L3MBTL4: variants seen among roughly 807,000 people sequenced by gnomAD.
L3MBTL4 encodes lethal(3)malignant brain tumor-like protein 4.
A neutral mutation model predicts 84.5 loss-of-function variants in L3MBTL4; 70 were observed. The ratio of observed to expected loss-of-function variants is 0.83; its 90% CI spans 0.68 to 1.01. The LOEUF (loss-of-function observed/expected upper bound fraction) is 1.01. Among genes scored for constraint, L3MBTL4 ranks in the 50% least tolerant of loss-of-function variants. The pLI, the probability that L3MBTL4 is intolerant of heterozygous loss-of-function variation, is 0.00. For missense variants in L3MBTL4, 715 were observed against 754.8 expected (o/e 0.95, Z 0.62); for synonymous variants, 274 against 259.8 (o/e 1.05, Z -0.52).
intron 16 of L3MBTL4, among the ~76,000 whole-genome samples, chr18:5,980,129 G>A (rs761852832): frequency 2.2e-4 from 26 of 119,524 alleles, no homozygotes; most frequent in Non-Finnish European, 3.9e-4. Context: ...AGTGGCTGAC[G>A]TGCTGACAGA....
chr18:6,410,220 C>T (rs1296999030), intron 1 of L3MBTL4, among the ~76,000 whole-genome samples: 1 of 152,242 alleles, frequency 6.6e-6, no homozygotes, highest in Non-Finnish European at 1.5e-5. Flanking sequence ...GCCTTAGGGG[C>T]TTCTCTCTGC....
intron 15 of L3MBTL4, among the ~76,000 whole-genome samples, chr18:6,082,687 C>T (rs2058119485): frequency 6.6e-6 from 1 of 152,104 alleles, no homozygotes; most frequent in Non-Finnish European, 1.5e-5. Flanking sequence ...AGCCAGTCTG[C>T]CACATATAAA....
intron 17 of L3MBTL4, among the ~76,000 whole-genome samples, chr18:5,961,157 C>T (rs936038245): frequency 3.9e-5 from 6 of 152,242 alleles, no homozygotes; most frequent in African/African-American, 1.4e-4. Flanking sequence ...TGTGTGCTGG[C>T]CCTTCTCCTC....
intron 16 of L3MBTL4, among the ~76,000 whole-genome samples, chr18:6,037,422 G>A (rs1258296247): frequency 6.6e-6 from 1 of 152,150 alleles, no homozygotes; most frequent in African/African-American, 2.4e-5. Context: ...GACAGATTCT[G>A]CCAGTGCAGT....
intron 1 of L3MBTL4, among the ~76,000 whole-genome samples, chr18:6,319,291 A>AAAC (rs146106283): frequency 2.0e-5 from 3 of 152,106 alleles, no homozygotes; most frequent in African/African-American, 4.8e-5. Flanking sequence ...AGTGAAATAG[A>AAAC]AACAACAACA....
At chr18:6,318,692 A>G (rs1380683415) in intron 1 of L3MBTL4, among the ~76,000 whole-genome samples, 1 of 151,998 alleles carries the variant, frequency 6.6e-6, no homozygotes, top group East Asian at 1.9e-4. Context: ...GGGGGACTTC[A>G]ACACCGCACT....
At chr18:6,067,844 C>A (rs8085316) in intron 16 of L3MBTL4, among the ~76,000 whole-genome samples, 12 of 151,934 alleles carry the variant, frequency 7.9e-5, no homozygotes, top group Non-Finnish European at 1.8e-4. Flanking sequence ...TGATTTCTTG[C>A]GGATGCTGTA....
rs926222294 is a variant in L3MBTL4, at chr18:6,188,162, A to G, written c.982-16220T>C. ...GGTCTGGAATCTGAAATGAGAAACT[A>G]TTGGCCTTCACAAAGATCACACACC... On this transcript the variant is annotated intron_variant, in intron 12 of 18. Coordinates refer to ENST00000317931, the MANE Select transcript of L3MBTL4 (RefSeq NM_001330559.2). Among the ~76,000 whole-genome samples, 4 of 152,070 alleles carry G rather than the reference A, an allele frequency of 2.6e-5. No homozygotes were observed. The East Asian group carries it at 7.7e-4, about 29-fold the overall frequency.
intron 16 of L3MBTL4, among the ~76,000 whole-genome samples, chr18:6,059,577 T>G (rs1267138296): frequency 6.6e-6 from 1 of 151,976 alleles, no homozygotes; most frequent in Non-Finnish European, 1.5e-5. Context: ...GGCAAATGGA[T>G]TTTTTTGAAG....
At chr18:6,013,310 C>G (rs2054820401) in intron 16 of L3MBTL4, among the ~76,000 whole-genome samples, 1 of 152,226 alleles carries the variant, frequency 6.6e-6, no homozygotes, top group Non-Finnish European at 1.5e-5. Flanking sequence ...TGCCAGCTCT[C>G]TCTCCTTCCA....
chr18:6,346,997 T>TAA (rs1260596002), intron 1 of L3MBTL4, among the ~76,000 whole-genome samples: 1 of 152,112 alleles, frequency 6.6e-6, no homozygotes, highest in Admixed American at 6.5e-5. Context: ...ACTCAGCCTT[T>TAA]AAAAAGAAGG....
At chr18:6,252,713 A>C (rs1029863276) in intron 5 of L3MBTL4, among the ~76,000 whole-genome samples, 1 of 152,230 alleles carries the variant, frequency 6.6e-6, no homozygotes, top group Non-Finnish European at 1.5e-5. Flanking sequence ...AGAAAATTTT[A>C]TTTCATTCTT....
intron 16 of L3MBTL4, among the ~76,000 whole-genome samples, chr18:6,072,799 TGA>T (rs1170915438): frequency 7.1e-6 from 1 of 141,708 alleles, no homozygotes; most frequent in Non-Finnish European, 1.5e-5. Flanking sequence ...GAGCTTGCAA[TGA>T]GCCCAGATCG....
chr18:6,008,425 A>T (rs2054585928), intron 16 of L3MBTL4, among the ~76,000 whole-genome samples: 1 of 152,220 alleles, frequency 6.6e-6, no homozygotes, highest in Non-Finnish European at 1.5e-5. Context: ...AATTTGGGCT[A>T]CAACAAAATA....
At chr18:6,182,441 C>T (rs183890268) in intron 12 of L3MBTL4, among the ~76,000 whole-genome samples, 11 of 152,222 alleles carry the variant, frequency 7.2e-5, no homozygotes, top group Admixed American at 1.3e-4. Flanking sequence ...CTGGATATCA[C>T]CTTTGTTGGA....
intron 12 of L3MBTL4, among the ~76,000 whole-genome samples, chr18:6,174,984 C>G (rs953115521): frequency 1.3e-5 from 2 of 151,548 alleles, no homozygotes; most frequent in Non-Finnish European, 2.9e-5. Flanking sequence ...GAGAATGGAG[C>G]AGGAATAGTG....
intron 1 of L3MBTL4, among the ~76,000 whole-genome samples, chr18:6,363,732 C>G (rs1476210940): frequency 6.6e-6 from 1 of 152,122 alleles, no homozygotes; most frequent in Non-Finnish European, 1.5e-5. Context: ...CCAACTTAAG[C>G]CACTCAGTGA....
At chr18:5,967,918 G>A (rs537106765) in intron 17 of L3MBTL4, among the ~76,000 whole-genome samples, 3 of 152,362 alleles carry the variant, frequency 2.0e-5, no homozygotes, top group South Asian at 4.1e-4. Context: ...TGTAAGCTGG[G>A]CAGAGACATG....
intron 16 of L3MBTL4, among the ~76,000 whole-genome samples, chr18:6,036,670 T>A (rs1018163878): frequency 1.3e-5 from 2 of 152,214 alleles, no homozygotes; most frequent in Non-Finnish European, 2.9e-5. Flanking sequence ...TCCTGTTTCT[T>A]GTAAGTTTTG....
Sources: allele counts gnomAD v4.1 joint callset (sites outside exome capture counted in the v4.1 genomes callset), GRCh38; gene constraint gnomAD v4.1.1; transcripts MANE v1.5; gene names NCBI Gene and HGNC (gene_info 2026-07-23, HGNC 2026-07-21).